Variants in HMGA2 observed in about 807,000 individuals in gnomAD.
HMGA2 encodes high mobility group AT-hook 2.
In HMGA2, 8 loss-of-function variants were observed where a neutral mutation model predicts 19.1. The observed-to-expected ratio is 0.42, with a 90% CI of 0.25 to 0.76. The LOEUF is 0.76. Ranked by LOEUF, HMGA2 falls within the 30% of genes least tolerant of loss-of-function variation. The pLI is 0.28. For synonymous variants in HMGA2, 60 were observed against 48.8 expected, an observed-to-expected ratio of 1.23 and a Z score of -0.96; for missense variants, 109 against 136.3, an observed-to-expected ratio of 0.80 and a Z score of 1.00.
At chr12:65,848,755 C>G (rs1156686862) in intron 3 of HMGA2, among the ~76,000 whole-genome samples, 6 of 152,008 alleles carry the variant, frequency 3.9e-5, no homozygotes, top group Admixed American at 3.9e-4. Context: ...ACTCGGGAGG[C>G]TGAGGCAGGA....
chr12:65,844,978 A>C (rs954069540), intron 3 of HMGA2, among the ~76,000 whole-genome samples: 1 of 152,208 alleles, frequency 6.6e-6, no homozygotes, highest in Admixed American at 6.5e-5. Flanking sequence ...ACAAATGTAG[A>C]ATCAGTGACC....
chr12:65,932,672 A>G (rs1465783617), intron 3 of HMGA2, among the ~76,000 whole-genome samples: 1 of 152,234 alleles, frequency 6.6e-6, no homozygotes, highest in Non-Finnish European at 1.5e-5. Flanking sequence ...TGTATTTACC[A>G]CCAGGCAGTA....
chr12:65,939,913 C>T (rs1358236854), intron 3 of HMGA2, among the ~76,000 whole-genome samples: 1 of 152,094 alleles, frequency 6.6e-6, no homozygotes, highest in Admixed American at 6.5e-5. Context: ...GGGAAAGACT[C>T]GTATGGCATC....
At chr12:65,929,060 C>T (rs149500503) in intron 3 of HMGA2, among the ~76,000 whole-genome samples, 5 of 152,204 alleles carry the variant, frequency 3.3e-5, no homozygotes, top group East Asian at 3.9e-4. Context: ...CTTTTAGAAT[C>T]GCAATTAAAA....
intron 3 of HMGA2, among the ~76,000 whole-genome samples, chr12:65,903,862 T>C (rs368243490): frequency 4.6e-5 from 7 of 152,212 alleles, no homozygotes; most frequent in African/African-American, 1.7e-4. Context: ...ATAACATCCA[T>C]TTTTGTTGCT....
chr12:65,829,404 T>A lies in HMGA2; in HGVS notation c.198+1317T>A, dbSNP rs181866512. Among the ~76,000 whole-genome samples, 713 of 152,262 alleles carry A rather than the reference T, an allele frequency of 4.7e-3. 6 individuals carry two copies. Among genetic ancestry groups the A allele is most frequent in the African/African-American group, 0.016 (674 of 41,564 alleles). ...ATGGCAATATATAATCTGGTATTTTTAATATGAATACTTTACATTTGTTTC... is the reference window on the plus strand; with the variant it reads ...ATGGCAATATATAATCTGGTATTTTAAATATGAATACTTTACATTTGTTTC... On this transcript the variant is annotated intron_variant, in intron 2 of 4. Coordinates refer to ENST00000403681, the MANE Select transcript of HMGA2 (RefSeq NM_003483.6).
chr12:65,869,542 T>A (rs540597184), intron 3 of HMGA2, among the ~76,000 whole-genome samples: 1 of 152,176 alleles, frequency 6.6e-6, no homozygotes, highest in East Asian at 1.9e-4. Context: ...ACTGACTCTT[T>A]CCCACAAAAT....
At chr12:65,949,539 C>T (rs1460703671) in intron 3 of HMGA2, among the ~76,000 whole-genome samples, 4 of 152,096 alleles carry the variant, frequency 2.6e-5, no homozygotes, top group African/African-American at 9.7e-5. Context: ...TATATTCAGA[C>T]ATGAGAGTGA....
intron 3 of HMGA2, chr12:65,915,587 A>G (rs982309778): frequency 5.9e-5 from 62 of 1,052,170 alleles, no homozygotes; most frequent in Non-Finnish European, 6.8e-5. Flanking sequence ...TTCTCATTCC[A>G]TTGGTATTTT....
chr12:65,954,270 A>G (rs1324225367), intron 4 of HMGA2: 1 of 152,230 alleles, frequency 6.6e-6, no homozygotes, highest in East Asian at 1.9e-4. Context: ...AGTCTCAAAA[A>G]TTCTAGAATC....
intron 3 of HMGA2, among the ~76,000 whole-genome samples, chr12:65,894,975 A>G (rs188146716): frequency 1.4e-3 from 220 of 152,336 alleles, no homozygotes; most frequent in African/African-American, 5.1e-3. Context: ...GCACCCTAAT[A>G]CAGCTTTATA....
At chr12:65,910,116 A>G (rs1874780511) in intron 3 of HMGA2, among the ~76,000 whole-genome samples, 1 of 152,200 alleles carries the variant, frequency 6.6e-6, no homozygotes, top group Non-Finnish European at 1.5e-5. Context: ...GACCAAAGCA[A>G]TGAAGACGAG....
At chr12:65,939,356 C>T (rs1439844143) in intron 3 of HMGA2, among the ~76,000 whole-genome samples, 1 of 147,080 alleles carries the variant, frequency 6.8e-6, no homozygotes, top group African/African-American at 2.5e-5. Flanking sequence ...CACATACAAG[C>T]TTTTTTTTTT....
chr12:65,906,453 T>G (rs1263276557), intron 3 of HMGA2, among the ~76,000 whole-genome samples: 1 of 152,208 alleles, frequency 6.6e-6, no homozygotes, highest in Non-Finnish European at 1.5e-5. Context: ...TTAATAAGTG[T>G]GTAGGTACAT....
At position 65,824,756 on chromosome 12, in the gene HMGA2, TCTCTC is replaced by T; in HGVS notation, c.-514_-510del. Reference sequence around the variant, plus strand: ...CTCTCTCTCTCTCTCTCTCTCTCTCTCTCTCTCTCTCTCGCAGGGTGGGGGGAAGA... The same window carrying T: ...CTCTCTCTCTCTCTCTCTCTCTCTCTTCTCTCTCGCAGGGTGGGGGGAAGA... On this transcript the variant is annotated 5_prime_UTR_variant, in exon 1 of 5. Coordinates refer to ENST00000403681, the MANE Select transcript of HMGA2 (RefSeq NM_003483.6). 3 of 223,766 alleles carry T rather than the reference TCTCTC, an allele frequency of 1.3e-5. No homozygotes were observed. Among genetic ancestry groups the T allele is most frequent in the Non-Finnish European group, 1.7e-5 (2 of 115,236 alleles). 13.9% of individuals were successfully genotyped at this position (223,766 alleles called of 1,614,324 possible).
rs138425215 is a variant in HMGA2 at position 65,845,195 on chromosome 12, T to C, written c.249+6626T>C. On this transcript the variant is annotated intron_variant, in intron 3 of 4. Coordinates refer to ENST00000403681, the MANE Select transcript of HMGA2 (RefSeq NM_003483.6). ...ACTAGGTAAACAAGTAAAATGATTA[T>C]ATTCCAGGAGAACATTTTTGTTGTG... Among the ~76,000 whole-genome samples, 160 of 152,330 alleles carry C rather than the reference T, an allele frequency of 1.1e-3. No individual in the cohort carries two copies. In the East Asian group the frequency reaches 0.028, roughly 27 times the overall value.
intron 1 of HMGA2, 108 bp from the exon 2 acceptor site, chr12:65,827,893 C>T (rs924978644): frequency 7.7e-6 from 6 of 781,542 alleles, no homozygotes; most frequent in Non-Finnish European, 1.4e-5. Flanking sequence ...TGAACGTGTT[C>T]CAACAGCTCT....
Position 65,916,766 on chromosome 12 carries a change from A to G in HMGA2, c.250-34617A>G, listed in dbSNP as rs2035319. Among the ~76,000 whole-genome samples the G allele has an allele frequency of 6.9e-3, 1,055 of 152,296 alleles. 12 individuals are homozygous for G. The highest frequency in any genetic ancestry group is 0.024 in the African/African-American group (999 of 41,558). On this transcript the variant is annotated intron_variant, in intron 3 of 4. Transcript: ENST00000403681. ...TTGAAGGCTTGGGTCTGGGAAAATAATAGAGAGAAAGAGTTACTAGGGCTT... is the reference window on the plus strand; with the variant it reads ...TTGAAGGCTTGGGTCTGGGAAAATAGTAGAGAGAAAGAGTTACTAGGGCTT...
intron 3 of HMGA2, among the ~76,000 whole-genome samples, chr12:65,936,148 G>T (rs925895203): frequency 2.0e-5 from 3 of 151,218 alleles, no homozygotes; most frequent in South Asian, 2.1e-4. Context: ...AAGTAATGTT[G>T]TTCCTTGTTA....
Sources: allele counts gnomAD v4.1 joint callset (sites outside exome capture counted in the v4.1 genomes callset), GRCh38; gene constraint gnomAD v4.1.1; transcripts MANE v1.5; gene names NCBI Gene and HGNC (gene_info 2026-07-23, HGNC 2026-07-21).